The following TMEM229B variants were observed in gnomAD, a reference collection of about 807,000 sequenced individuals.
TMEM229B encodes the protein transmembrane protein 229B, also known as chromosome 14 open reading frame 83.
A neutral mutation model predicts 13.7 loss-of-function variants in TMEM229B; 6 were observed. That is an observed-to-expected ratio of 0.44 (90% CI 0.24 to 0.86). TMEM229B has a LOEUF of 0.86. TMEM229B is among the 40% of genes least tolerant of loss of function. The pLI, the probability that TMEM229B is intolerant of heterozygous loss-of-function variation, is 0.23. For synonymous variants in TMEM229B, 107 were observed against 102.1 expected (o/e 1.05, Z -0.29); for missense variants, 170 against 236.0 (o/e 0.72, Z 1.83).
At chr14:67,532,116 C>G (rs2033479072) in intron 1 of TMEM229B, among the ~76,000 whole-genome samples, 1 of 152,068 alleles carries the variant, frequency 6.6e-6, no homozygotes, top group Admixed American at 6.6e-5. Context: ...TCCCATTGGC[C>G]CAGTTAAATT....
At chr14:67,498,979 TTTTA>T (rs10523208) in intron 1 of TMEM229B, among the ~76,000 whole-genome samples, 6 of 146,622 alleles carry the variant, frequency 4.1e-5, no homozygotes, top group East Asian at 4.0e-4. Context: ...AAGGCAATGG[TTTTA>T]TTTATTTATT....
intron 2 of TMEM229B, among the ~76,000 whole-genome samples, chr14:67,475,839 C>G (rs2031157418): frequency 1.3e-5 from 2 of 152,238 alleles, no homozygotes; most frequent in Admixed American, 1.3e-4. Flanking sequence ...ACTTACCTGG[C>G]CCATTATCAG....
chr14:67,532,844 A>G (rs535396179), intron 1 of TMEM229B, among the ~76,000 whole-genome samples: 3 of 152,284 alleles, frequency 2.0e-5, no homozygotes, highest in East Asian at 1.9e-4. Flanking sequence ...GAATGCTGGA[A>G]CCTTTGGCGG....
At chr14:67,477,400 C>T (rs1019834546) in intron 2 of TMEM229B, among the ~76,000 whole-genome samples, 3 of 152,148 alleles carry the variant, frequency 2.0e-5, no homozygotes, top group African/African-American at 7.2e-5. Context: ...TGCAGGTTAC[C>T]TTCAGAACAA....
rs45627339 is a variant in TMEM229B, at chr14:67,473,259, A to G, written c.*161T>C. 7.1e-3 allele frequency: 6,970 copies of G among 981,838 alleles called. 59 individuals carry two copies. The highest frequency in any genetic ancestry group is 0.043 in the Admixed American group (1,535 of 35,994). 60.8% of individuals were successfully genotyped at this position (981,838 alleles called of 1,614,324 possible). The stretch of plus-strand genomic sequence containing the variant: ...CCCCAACACCTGACCACGGCCCCCC[A>G]ACACCGGCCCCCGCGGACGTTAGGG... On this transcript the variant is annotated 3_prime_UTR_variant, in exon 3 of 3. Coordinates refer to ENST00000554480, the MANE Select transcript of TMEM229B (RefSeq NM_001348543.2). The surrounding 1 kb of genome is among the most constrained non-coding windows in gnomAD (Gnocchi z 6.5).
intron 1 of TMEM229B, among the ~76,000 whole-genome samples, chr14:67,514,559 G>T (rs2033136078): frequency 6.6e-6 from 1 of 151,996 alleles, no homozygotes; most frequent in Non-Finnish European, 1.5e-5. Flanking sequence ...AAGGCGGCGG[G>T]GTCATTTTGG....
In TMEM229B at chr14:67,505,186, A is replaced by C. The variant is rs555715338; in HGVS notation, c.-192+9900T>G. ...GAGGTGCGCAAGGGCCCCTCTCTCA[A>C]GCTGAGGGTATAGAGGGTCAGAATG... On this transcript the variant is annotated intron_variant, in intron 1 of 2. Coordinates refer to the TMEM229B transcript ENST00000357461. Among the ~76,000 whole-genome samples the C allele has an allele frequency of 9.9e-4, 150 of 152,224 alleles. 2 individuals are homozygous for C. Among genetic ancestry groups the C allele is most frequent in the Middle Eastern group, 3.4e-3 (1 of 294 alleles).
At chr14:67,517,363 C>A (rs759642702), upstream of TMEM229B, among the ~76,000 whole-genome samples, 1 of 152,228 alleles carries the variant, frequency 6.6e-6, no homozygotes, top group Non-Finnish European at 1.5e-5. Context: ...GAATTCCTGG[C>A]ACCTTATGCA....
chr14:67,476,780 T>C (rs2031227408), intron 2 of TMEM229B, among the ~76,000 whole-genome samples: 1 of 152,102 alleles, frequency 6.6e-6, no homozygotes, highest in African/African-American at 2.4e-5. Context: ...CCCCTGCACA[T>C]GACTGCCCAT....
intron 1 of TMEM229B, among the ~76,000 whole-genome samples, chr14:67,523,185 T>A (rs1179920957): frequency 1.3e-5 from 2 of 151,828 alleles, no homozygotes; most frequent in African/African-American, 4.8e-5. Context: ...TAGCTGGGTG[T>A]GGTGGCAGAA....
chr14:67,532,512 C>T (rs796075233), intron 1 of TMEM229B, among the ~76,000 whole-genome samples: 1 of 152,066 alleles, frequency 6.6e-6, no homozygotes, highest in Non-Finnish European at 1.5e-5. Context: ...TGTCTGAGAA[C>T]GAGGAGCACA....
At chr14:67,518,757 T>C (rs1164917360), upstream of TMEM229B, among the ~76,000 whole-genome samples, 1 of 152,138 alleles carries the variant, frequency 6.6e-6, no homozygotes, top group East Asian at 1.9e-4. Context: ...TCTTTATGCT[T>C]GTTAGAGAGA....
upstream of TMEM229B, among the ~76,000 whole-genome samples, chr14:67,519,207 G>A (rs1000893052): frequency 1.3e-5 from 2 of 152,200 alleles, no homozygotes; most frequent in African/African-American, 2.4e-5. Flanking sequence ...CTCAGATCAC[G>A]TAGGATTCTT....
At chr14:67,522,061 C>T (rs1411194281) in intron 1 of TMEM229B, among the ~76,000 whole-genome samples, 1 of 152,142 alleles carries the variant, frequency 6.6e-6, no homozygotes, top group Non-Finnish European at 1.5e-5. Flanking sequence ...GTTATCCCAG[C>T]TACTGGGAGG....
chr14:67,492,220 C>G (rs112524617), upstream of TMEM229B, among the ~76,000 whole-genome samples: 177 of 152,302 alleles, frequency 1.2e-3, 1 homozygote, highest in African/African-American at 4.2e-3. Context: ...CATTCCCACC[C>G]CCGGCAATCA....
chr14:67,489,779 AG>A (rs2032082207), upstream of TMEM229B, among the ~76,000 whole-genome samples: 1 of 152,178 alleles, frequency 6.6e-6, no homozygotes, highest in South Asian at 2.1e-4. Context: ...TCACGAGGTC[AG>A]GAGATCGAGA....
intron 1 of TMEM229B, among the ~76,000 whole-genome samples, chr14:67,530,863 A>T (rs966387354): frequency 1.3e-5 from 2 of 152,108 alleles, no homozygotes; most frequent in East Asian, 3.9e-4. Flanking sequence ...AACTATTTTT[A>T]ATATCCCACC....
At chr14:67,480,843 C>T (rs770603183) in intron 2 of TMEM229B, among the ~76,000 whole-genome samples, 3 of 152,162 alleles carry the variant, frequency 2.0e-5, no homozygotes, top group African/African-American at 4.8e-5. Flanking sequence ...TGGCCCAGAC[C>T]GGTTTCCCAG....
chr14:67,530,221 T>A (rs1824913193), intron 1 of TMEM229B, among the ~76,000 whole-genome samples: 1 of 152,230 alleles, frequency 6.6e-6, no homozygotes, highest in South Asian at 2.1e-4. Context: ...GATCACTTGC[T>A]GCATGCCAGA....
Sources: allele counts gnomAD v4.1 joint callset (sites outside exome capture counted in the v4.1 genomes callset), GRCh38; gene constraint gnomAD v4.1.1; non-coding constraint Gnocchi (gnomAD v3.1); transcripts MANE v1.5; gene names NCBI Gene and HGNC (gene_info 2026-07-23, HGNC 2026-07-21).